Variants in CARMIL1 observed in about 807,000 individuals in gnomAD.
CARMIL1 encodes capping protein regulator and myosin 1 linker 1.
In CARMIL1, 90 loss-of-function variants were observed where a neutral mutation model predicts 177.1. The ratio of observed to expected loss-of-function variants is 0.51; its 90% CI spans 0.43 to 0.61. CARMIL1 has a LOEUF of 0.61. Ranked by LOEUF, CARMIL1 falls within the 20% of genes least tolerant of loss-of-function variation. The pLI, the probability that CARMIL1 is intolerant of heterozygous loss-of-function variation, is 0.00. For synonymous variants in CARMIL1, 577 were observed against 606.2 expected (o/e 0.95, Z 0.71); for missense variants, 1,380 against 1,667.0 (o/e 0.83, Z 3.00).
intron 2 of CARMIL1, among the ~76,000 whole-genome samples, chr6:25,358,965 T>A (rs1788906337): frequency 6.6e-6 from 1 of 152,230 alleles, no homozygotes; most frequent in African/African-American, 2.4e-5. Flanking sequence ...AGAATACTGA[T>A]CATTTAGCTT....
chr6:25,496,575 A>G (rs939932880), intron 16 of CARMIL1, among the ~76,000 whole-genome samples: 2 of 152,018 alleles, frequency 1.3e-5, no homozygotes, highest in African/African-American at 4.8e-5. Context: ...TATATTAGAG[A>G]TCCCTAAATA....
chr6:25,584,611 A>G (rs924445379), intron 31 of CARMIL1, among the ~76,000 whole-genome samples: 2 of 152,088 alleles, frequency 1.3e-5, no homozygotes, highest in Middle Eastern at 6.8e-3. Flanking sequence ...GCTAAGTTTG[A>G]TGAAGTGGAT....
chr6:25,500,920 C>T (rs980655136), intron 17 of CARMIL1, among the ~76,000 whole-genome samples: 5 of 151,848 alleles, frequency 3.3e-5, no homozygotes, highest in East Asian at 1.9e-4. Context: ...CCACCACGCC[C>T]GGCTATTTTT....
chr6:25,528,916 C>T, intron 24 of CARMIL1, 23 bp downstream of exon 24: 1 of 1,563,106 alleles, frequency 6.4e-7, no homozygotes, highest in Non-Finnish European at 8.7e-7. Context: ...GTGCCTGTGA[C>T]TTCTCCTTCT....
At chr6:25,553,157 A>G (rs1810277190) in intron 27 of CARMIL1, among the ~76,000 whole-genome samples, 2 of 152,208 alleles carry the variant, frequency 1.3e-5, no homozygotes, top group East Asian at 1.9e-4. Context: ...TTACATGAAT[A>G]TATTTTCAAC....
In CARMIL1 at chr6:25,520,324, A is replaced by G. The variant is rs1353716711; in HGVS notation, c.1955A>G (p.Asp652Gly). ...ALKTNPEKTEDALQKIENYLL... is the reference protein window; with the variant it reads ...ALKTNPEKTEGALQKIENYLL... ...AAAACAAACCCTGAAAAAACAGAAG[A>G]CGCTCTGCAAAAGGTATTAAAGAAT... Residue 652 changes from aspartate (D) to glycine (G), a missense_variant, in exon 23 of 37, where the codon GAC (aspartate) becomes GGC (glycine). Asp to Gly is a moderately conservative substitution (Grantham distance 94). Coordinates refer to ENST00000329474, the MANE Select transcript of CARMIL1 (RefSeq NM_017640.6). 1.3e-6 allele frequency: 2 copies of G among 1,542,280 alleles called. No homozygotes were observed. The highest frequency in any genetic ancestry group is 1.8e-6 in the Non-Finnish European group (2 of 1,136,890).
intron 29 of CARMIL1, 83 bp downstream of exon 29, chr6:25,556,933 T>C (rs1810678062): frequency 1.4e-6 from 2 of 1,380,638 alleles, no homozygotes; most frequent in African/African-American, 3.0e-5. Context: ...AATCTCACCT[T>C]TTGAAATCAG....
chr6:25,340,969 A>C (rs184445569), intron 2 of CARMIL1, among the ~76,000 whole-genome samples: 5 of 152,020 alleles, frequency 3.3e-5, no homozygotes, highest in African/African-American at 1.2e-4. Context: ...GCAGTTTTCT[A>C]ATGAACTTAG....
At chr6:25,329,079 A>G (rs1354357983) in intron 2 of CARMIL1, among the ~76,000 whole-genome samples, 2 of 152,208 alleles carry the variant, frequency 1.3e-5, no homozygotes, top group East Asian at 3.8e-4. Context: ...CTTAGGCGTA[A>G]AGCCAGATGT....
At chr6:25,322,282 C>G (rs1326119197) in intron 2 of CARMIL1, among the ~76,000 whole-genome samples, 1 of 151,978 alleles carries the variant, frequency 6.6e-6, no homozygotes, top group Non-Finnish European at 1.5e-5. Flanking sequence ...TCCACCATAC[C>G]CGGCTAATTT....
intron 2 of CARMIL1, among the ~76,000 whole-genome samples, chr6:25,349,111 G>C (rs1249675997): frequency 6.6e-6 from 1 of 152,132 alleles, no homozygotes; most frequent in Non-Finnish European, 1.5e-5. Context: ...GTTGAAGGTG[G>C]CTGGAGCGTA....
chr6:25,349,371 C>T (rs1737646011), intron 2 of CARMIL1, among the ~76,000 whole-genome samples: 1 of 152,202 alleles, frequency 6.6e-6, no homozygotes, highest in South Asian at 2.1e-4. Flanking sequence ...ATTTCTTTTT[C>T]TTCTCATCAG....
intron 31 of CARMIL1, among the ~76,000 whole-genome samples, chr6:25,586,653 A>G (rs1256602500): frequency 6.6e-6 from 1 of 152,092 alleles, no homozygotes; most frequent in Non-Finnish European, 1.5e-5. Flanking sequence ...ACTGCACTCC[A>G]GCCTGGGCAA....
At chr6:25,418,479 C>G (rs1398854048) in intron 2 of CARMIL1, among the ~76,000 whole-genome samples, 1 of 152,024 alleles carries the variant, frequency 6.6e-6, no homozygotes, top group Admixed American at 6.6e-5. Flanking sequence ...CATACTTCAT[C>G]CCTGTCCCTC....
chr6:25,547,012 G>A (rs452447), intron 26 of CARMIL1, among the ~76,000 whole-genome samples: 68,112 of 149,760 alleles, frequency 0.45, 15,478 homozygotes, highest in Middle Eastern at 0.5. Flanking sequence ...CCGAGATCAC[G>A]GCACCACTGC....
chr6:25,483,325 G>A (rs139844462), intron 12 of CARMIL1, among the ~76,000 whole-genome samples: 5 of 152,278 alleles, frequency 3.3e-5, no homozygotes, highest in African/African-American at 7.2e-5. Context: ...TCAGATTGCC[G>A]AAGGTTGAAT....
intron 22 of CARMIL1, among the ~76,000 whole-genome samples, chr6:25,517,675 G>A (rs753389289): frequency 1.7e-4 from 26 of 152,104 alleles, no homozygotes; most frequent in Non-Finnish European, 2.5e-4. Context: ...AAATGAGATC[G>A]CGGGAAAGGG....
chr6:25,375,391 T>A (rs1291428850), intron 2 of CARMIL1, among the ~76,000 whole-genome samples: 1 of 152,248 alleles, frequency 6.6e-6, no homozygotes, highest in Non-Finnish European at 1.5e-5. Flanking sequence ...GTAGGTTACC[T>A]GATACTTTTG....
At position 25,528,854 on chromosome 6, in the gene CARMIL1, C is replaced by T; in HGVS notation, c.2028C>T (p.Tyr676=). The T allele has an allele frequency of 6.2e-7, 1 of 1,610,322 alleles. No homozygotes were observed. The highest frequency in any genetic ancestry group is 8.5e-7 in the Non-Finnish European group (1 of 1,178,292). Residue 676 remains tyrosine, a synonymous_variant, in exon 24 of 37, where the codon TAC becomes TAT. Coordinates refer to ENST00000329474, the MANE Select transcript of CARMIL1 (RefSeq NM_017640.6). ...ETRKYLQEQA[Y]RLQQGIVTST... ...GAAAATACCTTCAAGAGCAGGCCTA[C>T]CGCCTGCAGCAGGGTATTGTCACCA...
Sources: gnomAD v4.1 joint callset for allele counts (sites outside exome capture counted in the v4.1 genomes callset) on GRCh38, gnomAD v4.1.1 for gene constraint, MANE v1.5 for transcripts, NCBI Gene and HGNC (gene_info 2026-07-23, HGNC 2026-07-21) for gene names.